ZNF215: variants seen among roughly 807,000 people sequenced by gnomAD.
ZNF215 encodes zinc finger protein 215.
ZNF215 carries 24 observed loss-of-function variants against 27.2 expected under a neutral mutation model. That is an observed-to-expected ratio of 0.88 (90% CI 0.64 to 1.24). The LOEUF (loss-of-function observed/expected upper bound fraction) is 1.24, where lower values mean the gene tolerates loss of function less well. Ranked by LOEUF, ZNF215 falls within the 50% of genes most tolerant of loss-of-function variation. The pLI, the probability that ZNF215 is intolerant of heterozygous loss-of-function variation, is 0.00. For missense variants in ZNF215, 675 were observed against 605.7 expected (o/e 1.11, Z -1.20); for synonymous variants, 210 against 204.0 (o/e 1.03, Z -0.25).
intron 3 of ZNF215, among the ~76,000 whole-genome samples, chr11:6,939,364 C>T (rs947174883): frequency 2.0e-5 from 3 of 152,136 alleles, no homozygotes; most frequent in African/African-American, 7.2e-5. Context: ...GTACATTAGG[C>T]TCTCTGAGGG....
chr11:6,959,487 A>G (rs1361036615), downstream of ZNF215, among the ~76,000 whole-genome samples: 1 of 152,252 alleles, frequency 6.6e-6, no homozygotes, highest in African/African-American at 2.4e-5. Flanking sequence ...AAAACTCCAA[A>G]GGAGGAGAAA....
chr11:6,976,058 T>C (rs747421036), intron 5 of ZNF215, among the ~76,000 whole-genome samples: 2 of 152,126 alleles, frequency 1.3e-5, no homozygotes, highest in Admixed American at 6.6e-5. Flanking sequence ...TGAAATGATA[T>C]GTCATTGTAG....
intron 5 of ZNF215, among the ~76,000 whole-genome samples, chr11:6,971,954 A>G (rs1850727229): frequency 6.6e-6 from 1 of 152,134 alleles, no homozygotes; most frequent in Non-Finnish European, 1.5e-5. Context: ...AATTAAAGTC[A>G]TTTTTAAACT....
intron 6 of ZNF215, among the ~76,000 whole-genome samples, chr11:6,951,854 T>G (rs1850084655): frequency 6.6e-6 from 1 of 152,176 alleles, no homozygotes; most frequent in Admixed American, 6.5e-5. Flanking sequence ...CTTTCCTGCT[T>G]TCTCTTGTGG....
At chr11:6,958,564 G>A (rs944914885), downstream of ZNF215, among the ~76,000 whole-genome samples, 5 of 152,060 alleles carry the variant, frequency 3.3e-5, no homozygotes, top group African/African-American at 9.7e-5. Flanking sequence ...TGTTTATTTA[G>A]TACATTGTAT....
At chr11:6,937,518 A>G (rs1849481374) in intron 3 of ZNF215, among the ~76,000 whole-genome samples, 1 of 140,020 alleles carries the variant, frequency 7.1e-6, no homozygotes, top group South Asian at 2.3e-4. Context: ...TTTGTCAGAA[A>G]TGGACAAGCT....
intron 5 of ZNF215, among the ~76,000 whole-genome samples, chr11:6,975,933 T>G (rs1850825921): frequency 6.6e-6 from 1 of 152,104 alleles, no homozygotes; most frequent in South Asian, 2.1e-4. Flanking sequence ...AAACTGTTCT[T>G]CATAGTGGCT....
Position 6,943,587 on chromosome 11 carries a change from A to T in ZNF215, c.658A>T (p.Ser220Cys). The change falls in exon 6 of 7, where the codon AGT (serine) becomes TGT (cysteine). Residue 220 changes from serine to cysteine, a missense_variant. Transcript: ENST00000278319. ...ACCATTTGAGAGCCTTAAGTTGGAG[A>T]GTAAGAAAAAAAGATGGATAATGGA... ...SKPFESLKLE[S>C]KKKRWIMEKE... 6.2e-7 allele frequency: 1 copy of T among 1,614,064 alleles called. No homozygotes were observed.
At chr11:6,958,153 C>G, downstream of ZNF215, 1 of 836,946 alleles carries the variant, frequency 1.2e-6, no homozygotes, top group African/African-American at 1.9e-5. Flanking sequence ...TGTAGAGAAG[C>G]CTAACAAGAG....
intron 5 of ZNF215, among the ~76,000 whole-genome samples, chr11:6,970,285 T>C (rs947011972): frequency 5.3e-5 from 8 of 152,188 alleles, no homozygotes; most frequent in African/African-American, 1.9e-4. Context: ...TCCAATTTCT[T>C]TAACAAAATG....
At chr11:6,981,989 C>T (rs1193125353) in intron 5 of ZNF215, among the ~76,000 whole-genome samples, 4 of 152,090 alleles carry the variant, frequency 2.6e-5, no homozygotes, top group African/African-American at 4.8e-5. Flanking sequence ...GGTACCAGTA[C>T]CATGCTGTTT....
downstream of ZNF215, among the ~76,000 whole-genome samples, chr11:6,987,982 TA>T (rs1851078096): frequency 6.6e-6 from 1 of 152,194 alleles, no homozygotes; most frequent in Non-Finnish European, 1.5e-5. Flanking sequence ...AGCTCCAGAT[TA>T]ATCACTTTTA....
In ZNF215 at chr11:6,934,680, G is replaced by A. The variant is rs139061709; in HGVS notation, c.400+2008G>A. ...TCACTGTCTCACCACACTGGAAAAG[G>A]TTCCTCACTTTTCAGGATTCATGTA... On this transcript the variant is annotated intron_variant, in intron 3 of 6. Coordinates refer to ENST00000278319, the MANE Select transcript of ZNF215 (RefSeq NM_013250.4). 1.1e-3 allele frequency among the ~76,000 whole-genome samples: 163 copies of A among 152,262 alleles called. 1 individual carries two copies. Among genetic ancestry groups the A allele is most frequent in the African/African-American group, 3.8e-3 (158 of 41,552 alleles).
chr11:6,985,479 A>G (rs1243373084), downstream of ZNF215, among the ~76,000 whole-genome samples: 1 of 152,158 alleles, frequency 6.6e-6, no homozygotes, highest in Non-Finnish European at 1.5e-5. Context: ...CATGAAAACT[A>G]GAACAAGACA....
chr11:6,951,815 A>G (rs576695881), intron 6 of ZNF215, among the ~76,000 whole-genome samples: 1 of 151,844 alleles, frequency 6.6e-6, no homozygotes, highest in South Asian at 2.1e-4. Context: ...AGTTCTTTTA[A>G]TTGTGATGTT....
intron 6 of ZNF215, 41 bp from the exon 7 acceptor site, chr11:6,955,649 A>G: frequency 6.6e-7 from 1 of 1,521,138 alleles, no homozygotes; most frequent in Non-Finnish European, 8.8e-7. Flanking sequence ...CTATTGAAGC[A>G]GTTTCCCTTC....
At chr11:6,927,866 T>C (rs1849113020) in intron 2 of ZNF215, 59 bp downstream of exon 2, 1 of 151,942 alleles carries the variant, frequency 6.6e-6, no homozygotes, top group South Asian at 2.1e-4. Context: ...ATTTGTTGCT[T>C]TTTTTTTATT....
downstream of ZNF215, among the ~76,000 whole-genome samples, chr11:6,989,293 A>C (rs185421508): frequency 1.3e-3 from 191 of 152,220 alleles, no homozygotes; most frequent in Non-Finnish European, 1.9e-3. Flanking sequence ...CAAACATCCC[A>C]CTTTCCCAAA....
downstream of ZNF215, among the ~76,000 whole-genome samples, chr11:6,989,613 G>A (rs991455535): frequency 7.2e-5 from 11 of 152,234 alleles, no homozygotes; most frequent in African/African-American, 2.6e-4. Context: ...TCATGAATAG[G>A]TGGCCCAGAC....
Sources: gnomAD v4.1 joint callset for allele counts (sites outside exome capture counted in the v4.1 genomes callset) on GRCh38, gnomAD v4.1.1 for gene constraint, MANE v1.5 for transcripts, NCBI Gene and HGNC (gene_info 2026-07-23, HGNC 2026-07-21) for gene names.